COL4A2: variants seen among roughly 807,000 people sequenced by gnomAD.
COL4A2 encodes collagen type IV alpha 2 chain, also known as collagen alpha-2(IV) chain.
Under a neutral mutation model 200.2 loss-of-function variants are expected in COL4A2, and 99 were observed. The ratio of observed to expected loss-of-function variants is 0.49; its 90% CI spans 0.42 to 0.58. The LOEUF (loss-of-function observed/expected upper bound fraction) is 0.58, where lower values mean the gene tolerates loss of function less well. Ranked by LOEUF, COL4A2 falls within the 20% of genes least tolerant of loss-of-function variation. The pLI, the probability that COL4A2 is intolerant of heterozygous loss-of-function variation, is 0.00. For missense variants in COL4A2, 1,950 were observed against 2,314.1 expected (o/e 0.84, Z 3.23); for synonymous variants, 897 against 900.6 (o/e 1.00, Z 0.07).
At chr13:110,394,348 T>G (rs1177127446) in intron 4 of COL4A2, among the ~76,000 whole-genome samples, 4 of 152,228 alleles carry the variant, frequency 2.6e-5, no homozygotes, top group Non-Finnish European at 5.9e-5. Context: ...ACTTGTCCAC[T>G]GTTTCTAACC....
intron 4 of COL4A2, among the ~76,000 whole-genome samples, chr13:110,397,805 A>G (rs1879232637): frequency 6.6e-6 from 1 of 152,250 alleles, no homozygotes; most frequent in East Asian, 1.9e-4. Flanking sequence ...GAGGACACTC[A>G]GAAGAAGGCT....
At chr13:110,430,116 A>T (rs1281015647) in intron 8 of COL4A2, 160 bp downstream of exon 8, 2 of 775,718 alleles carry the variant, frequency 2.6e-6, no homozygotes, top group Non-Finnish European at 3.8e-6. Flanking sequence ...TCCGATCAGG[A>T]TGTTTTCAAT....
chr13:110,311,970 C>A (rs781230801), intron 3 of COL4A2, among the ~76,000 whole-genome samples: 3 of 152,214 alleles, frequency 2.0e-5, no homozygotes, highest in Non-Finnish European at 4.4e-5. Flanking sequence ...CCGGCAGCTG[C>A]GGTGGCAAGT....
intron 4 of COL4A2, among the ~76,000 whole-genome samples, chr13:110,371,267 A>C (rs9588149): frequency 0.28 from 43,134 of 152,138 alleles, 6,735 homozygotes; most frequent in African/African-American, 0.42. Context: ...TTATTCCTAC[A>C]ATTAAGATAC....
intron 32 of COL4A2, 99 bp downstream of exon 32, chr13:110,482,758 C>T: frequency 4.6e-6 from 6 of 1,306,588 alleles, no homozygotes; most frequent in South Asian, 4.1e-5. Flanking sequence ...TTTTTGAAAA[C>T]CCATGCATCC....
At chr13:110,435,792 C>T (rs1003856164) in intron 12 of COL4A2, among the ~76,000 whole-genome samples, 8 of 151,986 alleles carry the variant, frequency 5.3e-5, no homozygotes, top group African/African-American at 1.4e-4. Flanking sequence ...CAAATTAAAG[C>T]AATCTTGGGA....
intron 3 of COL4A2, among the ~76,000 whole-genome samples, chr13:110,324,956 C>G (rs747053744): frequency 3.3e-5 from 5 of 152,166 alleles, no homozygotes; most frequent in South Asian, 2.1e-4. Flanking sequence ...AGCTCTTTAT[C>G]TTTTGACGTG....
At position 110,461,666 on chromosome 13, in the gene COL4A2, G is replaced by A. The variant is rs566042062; in HGVS notation, c.1597-448G>A. 6.7e-4 allele frequency among the ~76,000 whole-genome samples: 102 copies of A among 152,118 alleles called. 2 individuals are homozygous for A. In the South Asian group the frequency reaches 0.02, roughly 30 times the overall value. On this transcript the variant is annotated intron_variant, in intron 22 of 47. Transcript: ENST00000360467. ...CTCCCGAGTAGCTGGGATTACAGGC[G>A]TGCACCACCACACTCCACTGCCACA...
Position 110,490,923 on chromosome 13 carries a change from G to A in COL4A2, c.3347-310G>A, listed in dbSNP as rs201020404. On this transcript the variant is annotated intron_variant, in intron 36 of 47. Coordinates refer to ENST00000360467, the MANE Select transcript of COL4A2 (RefSeq NM_001846.4). ...TCCCCTGCATCCATCACCAGAAGACGGTATTTCGGAGCTGTGGTCCCACAA... is the reference window on the plus strand; with the variant it reads ...TCCCCTGCATCCATCACCAGAAGACAGTATTTCGGAGCTGTGGTCCCACAA... Among the ~76,000 whole-genome samples the A allele has an allele frequency of 3.6e-4, 55 of 152,264 alleles. 1 individual carries two copies. In the East Asian group the frequency reaches 4.6e-3, roughly 13 times the overall value.
intron 46 of COL4A2, chr13:110,507,620 TTAAGACCCCAC>T (rs1373463718): frequency 2.2e-6 from 1 of 449,068 alleles, no homozygotes; most frequent in East Asian, 4.0e-5. Context: ...GCCAGTGCTG[TTAAGACCCCAC>T]TAAGGTAAGG....
intron 43 of COL4A2, 71 bp from the exon 44 acceptor site, chr13:110,503,776 G>A (rs189701251): frequency 1.3e-5 from 20 of 1,570,468 alleles, no homozygotes; most frequent in South Asian, 5.6e-5. Flanking sequence ...GGTGAGAAAC[G>A]CAGTAGCACT....
intron 4 of COL4A2, among the ~76,000 whole-genome samples, chr13:110,361,815 T>C (rs553105053): frequency 6.6e-6 from 1 of 152,278 alleles, no homozygotes; most frequent in Non-Finnish European, 1.5e-5. Context: ...GCAGGAGCTG[T>C]GTACCGGCTG....
chr13:110,374,124 A>G (rs551569300), intron 4 of COL4A2, among the ~76,000 whole-genome samples: 15 of 152,320 alleles, frequency 9.8e-5, no homozygotes, highest in African/African-American at 3.6e-4. Context: ...CCGTTGGGTC[A>G]GCATGCATTG....
intron 31 of COL4A2, among the ~76,000 whole-genome samples, chr13:110,482,303 C>G (rs1345692920): frequency 6.6e-6 from 1 of 152,232 alleles, no homozygotes; most frequent in Admixed American, 6.5e-5. Context: ...AATGTCCGGT[C>G]TGAAGACAGG....
At chr13:110,443,638 A>G (rs1300411444) in intron 16 of COL4A2, among the ~76,000 whole-genome samples, 4 of 152,184 alleles carry the variant, frequency 2.6e-5, no homozygotes, top group Admixed American at 2.6e-4. Flanking sequence ...CTTCACAGTT[A>G]TCCATTCTAA....
chr13:110,400,470 C>T (rs1927345), intron 4 of COL4A2, among the ~76,000 whole-genome samples: 89,460 of 151,878 alleles, frequency 0.59, 26,931 homozygotes, highest in Non-Finnish European at 0.66. Flanking sequence ...TATTCAAACA[C>T]GTATTCAAAA....
chr13:110,414,825 T>C (rs34579098), intron 4 of COL4A2, among the ~76,000 whole-genome samples: 61 of 152,382 alleles, frequency 4.0e-4, no homozygotes, highest in Non-Finnish European at 8.4e-4. Context: ...TTTTGTATCA[T>C]AATGTATGAG....
intron 3 of COL4A2, among the ~76,000 whole-genome samples, chr13:110,333,085 G>A (rs2139363636): frequency 6.6e-6 from 1 of 152,320 alleles, no homozygotes; most frequent in East Asian, 1.9e-4. Flanking sequence ...ATCCTAAGGA[G>A]ATATTCCTGA....
At chr13:110,385,555 G>C (rs1260894426) in intron 4 of COL4A2, among the ~76,000 whole-genome samples, 3 of 98,206 alleles carry the variant, frequency 3.1e-5, no homozygotes, top group East Asian at 2.7e-4. Context: ...GTTGCAGTGT[G>C]TGGATAGACC....
Sources: allele counts gnomAD v4.1 joint callset (sites outside exome capture counted in the v4.1 genomes callset), GRCh38; gene constraint gnomAD v4.1.1; transcripts MANE v1.5; gene names NCBI Gene and HGNC (gene_info 2026-07-23, HGNC 2026-07-21).